CDH23: variants seen among roughly 807,000 people sequenced by gnomAD.
CDH23 encodes cadherin-23.
A neutral mutation model predicts 317.1 loss-of-function variants in CDH23; 189 were observed. The ratio of observed to expected loss-of-function variants is 0.60; its 90% CI spans 0.53 to 0.67. CDH23 has a LOEUF of 0.67. Among genes scored for constraint, CDH23 ranks in the 30% least tolerant of loss-of-function variants. CDH23 has a pLI of 0.00. For missense variants in CDH23, 4,401 were observed against 4,592.4 expected, an observed-to-expected ratio of 0.96 and a Z score of 1.20; for synonymous variants, 1,839 against 1,876.8, an observed-to-expected ratio of 0.98 and a Z score of 0.52.
chr10:71,623,044 C>T, intron 11 of CDH23: 1 of 731,364 alleles, frequency 1.4e-6, no homozygotes, highest in Non-Finnish European at 1.7e-6. Context: ...ATGTGCCTGC[C>T]ACTGTGCTAG....
intron 14 of CDH23, among the ~76,000 whole-genome samples, chr10:71,659,610 C>G (rs905955371): frequency 2.0e-5 from 3 of 152,304 alleles, no homozygotes; most frequent in Admixed American, 6.5e-5. Flanking sequence ...CATACTCACA[C>G]GGACACTTAT....
chr10:71,716,514 A>G (rs1866249908), intron 28 of CDH23: 1 of 556,498 alleles, frequency 1.8e-6, no homozygotes, highest in Non-Finnish European at 3.1e-6. Context: ...TCACAAGTCT[A>G]AGTGTACACA....
intron 17 of CDH23, among the ~76,000 whole-genome samples, chr10:71,680,780 T>A (rs1334300170): frequency 2.1e-5 from 3 of 145,488 alleles, no homozygotes; most frequent in African/African-American, 7.5e-5. Flanking sequence ...GAAATTGCAT[T>A]CTCTATGAAA....
intron 1 of CDH23, among the ~76,000 whole-genome samples, chr10:71,432,841 T>A (rs1041970195): frequency 2.0e-5 from 3 of 152,072 alleles, no homozygotes; most frequent in African/African-American, 7.2e-5. Flanking sequence ...GAGCTCCATG[T>A]CCCTAGAAAC....
At chr10:71,513,156 A>C (rs6480527) in intron 6 of CDH23, among the ~76,000 whole-genome samples, 110,690 of 152,134 alleles carry the variant, frequency 0.73, 41,503 homozygotes, top group African/African-American at 0.91. Flanking sequence ...ACATGGTTTA[A>C]TTGCTCGTGT....
chr10:71,406,301 T>C (rs1172914478), intron 1 of CDH23, among the ~76,000 whole-genome samples: 1 of 152,184 alleles, frequency 6.6e-6, no homozygotes, highest in Non-Finnish European at 1.5e-5. Context: ...GGCTTTCCTC[T>C]GGGGAAGAGG....
chr10:71,673,796 G>A (rs1469400395), intron 14 of CDH23, among the ~76,000 whole-genome samples: 1 of 152,236 alleles, frequency 6.6e-6, no homozygotes, highest in Non-Finnish European at 1.5e-5. Flanking sequence ...AGGGGTTGTA[G>A]GTAGAAGGCG....
At position 71,399,052 on chromosome 10, in the gene CDH23, G is replaced by A. The variant is rs566942694; in HGVS notation, c.-6+1734G>A. ...TAGCAGATGGTCCTGGTTGCCTCTG[G>A]AATAGCTCCCCCACTCAACAAGCTA... is the stretch of plus-strand genomic sequence containing the variant. On this transcript the variant is annotated intron_variant, in intron 1 of 69. Transcript: ENST00000224721. Among the ~76,000 whole-genome samples the A allele has an allele frequency of 3.9e-5, 6 of 152,342 alleles. No individual in the cohort carries two copies. The South Asian group carries it at 1.2e-3, about 32-fold the overall frequency.
intron 27 of CDH23, among the ~76,000 whole-genome samples, chr10:71,711,458 G>T (rs1865967910): frequency 6.6e-6 from 1 of 152,224 alleles, no homozygotes; most frequent in East Asian, 1.9e-4. Flanking sequence ...GACCACTCTT[G>T]CCTGGACATG....
At chr10:71,566,698 T>G (rs1173886976) in intron 6 of CDH23, 44 bp from the exon 7 acceptor site, 1 of 1,525,452 alleles carries the variant, frequency 6.6e-7, no homozygotes, top group African/African-American at 1.4e-5. Flanking sequence ...GCGCAGCTGC[T>G]CCGCACTGGC....
intron 3 of CDH23, among the ~76,000 whole-genome samples, chr10:71,480,570 G>C (rs1452379782): frequency 6.6e-6 from 1 of 152,228 alleles, no homozygotes; most frequent in African/African-American, 2.4e-5. Context: ...GGATGGAGGA[G>C]TGTTTCCAGT....
chr10:71,525,168 A>G (rs1481119081), intron 6 of CDH23, among the ~76,000 whole-genome samples: 1 of 152,156 alleles, frequency 6.6e-6, no homozygotes, highest in Non-Finnish European at 1.5e-5. Context: ...CGGCCCCCCA[A>G]AGTGCTGGGA....
At chr10:71,680,947 G>T (rs1486848046) in intron 17 of CDH23, among the ~76,000 whole-genome samples, 3 of 146,382 alleles carry the variant, frequency 2.0e-5, no homozygotes, top group African/African-American at 7.5e-5. Flanking sequence ...TCCAGCCTCA[G>T]CCTCCCGAGT....
intron 1 of CDH23, among the ~76,000 whole-genome samples, chr10:71,422,699 G>T (rs1183716123): frequency 6.6e-6 from 1 of 152,208 alleles, no homozygotes; most frequent in Admixed American, 6.5e-5. Flanking sequence ...CAACTGCTTG[G>T]ACCTCCTTCC....
intron 19 of CDH23, 49 bp downstream of exon 19, chr10:71,687,768 G>T: frequency 1.3e-6 from 2 of 1,546,522 alleles, no homozygotes; most frequent in East Asian, 2.3e-5. Flanking sequence ...TAGGCAGCCA[G>T]CAGTCACGGC....
At chr10:71,595,216 T>C (rs1449480443) in intron 9 of CDH23, among the ~76,000 whole-genome samples, 1 of 152,160 alleles carries the variant, frequency 6.6e-6, no homozygotes, top group Non-Finnish European at 1.5e-5. Context: ...CTGCCTTTCA[T>C]TGTACCATCT....
At chr10:71,402,278 G>T (rs931738863) in intron 1 of CDH23, among the ~76,000 whole-genome samples, 3 of 152,196 alleles carry the variant, frequency 2.0e-5, no homozygotes, top group African/African-American at 7.2e-5. Context: ...GACACAGCAG[G>T]TTCAGTTTTA....
chr10:71,438,802 C>T (rs1849739247), intron 1 of CDH23, among the ~76,000 whole-genome samples: 1 of 152,184 alleles, frequency 6.6e-6, no homozygotes, highest in African/African-American at 2.4e-5. Flanking sequence ...TGGCTCTAAG[C>T]CTACTTTGTG....
intron 40 of CDH23, 21 bp downstream of exon 40, chr10:71,778,329 C>T (rs1429518383): frequency 6.2e-7 from 1 of 1,613,554 alleles, no homozygotes; most frequent in Admixed American, 1.7e-5. Context: ...GGGACACAGC[C>T]CCAACTTGGG....
Sources: gnomAD v4.1 joint callset for allele counts (sites outside exome capture counted in the v4.1 genomes callset) on GRCh38, gnomAD v4.1.1 for gene constraint, MANE v1.5 for transcripts, NCBI Gene and HGNC (gene_info 2026-07-23, HGNC 2026-07-21) for gene names.